Variants in MAPK10 observed in about 807,000 individuals in gnomAD.
The protein encoded by MAPK10 is mitogen-activated protein kinase 10, also known as JNK3 alpha protein kinase.
In MAPK10, 25 loss-of-function variants were observed where a neutral mutation model predicts 59.3. The observed-to-expected ratio is 0.42, with a 90% confidence interval of 0.31 to 0.59. The LOEUF (loss-of-function observed/expected upper bound fraction) is 0.59, where lower values mean the gene tolerates loss of function less well. Among genes scored for constraint, MAPK10 ranks in the 20% least tolerant of loss-of-function variants. The probability of loss-of-function intolerance (pLI) is 0.15; values close to 1 mark genes in which losing one functional copy is unlikely to be tolerated. For missense variants in MAPK10, 351 were observed against 568.9 expected (o/e 0.62, Z 3.90); for synonymous variants, 190 against 200.5 (o/e 0.95, Z 0.44).
intron 1 of MAPK10, among the ~76,000 whole-genome samples, chr4:86,465,485 G>A (rs1222990508): frequency 6.6e-6 from 1 of 152,206 alleles, no homozygotes; most frequent in East Asian, 1.9e-4. Context: ...CATCCCAAAT[G>A]CAACTGAATC....
At chr4:86,517,683 G>A (rs1425925325) in intron 1 of MAPK10, among the ~76,000 whole-genome samples, 1 of 152,032 alleles carries the variant, frequency 6.6e-6, no homozygotes, top group African/African-American at 2.4e-5. Flanking sequence ...ATTTACTTAG[G>A]TCCTTTCTTA....
intron 1 of MAPK10, among the ~76,000 whole-genome samples, chr4:86,579,213 G>A (rs536341905): frequency 2.0e-5 from 3 of 152,212 alleles, no homozygotes; most frequent in East Asian, 3.9e-4. Context: ...CTTAGCCTCA[G>A]AGAAAACAGA....
At chr4:86,139,542 T>G (rs2063112133) in intron 4 of MAPK10, among the ~76,000 whole-genome samples, 1 of 151,974 alleles carries the variant, frequency 6.6e-6, no homozygotes, top group Non-Finnish European at 1.5e-5. Context: ...TCAAGATGGA[T>G]TAAAGACTTA....
intron 1 of MAPK10, among the ~76,000 whole-genome samples, chr4:86,423,787 A>ATATG (rs901655406): frequency 1.4e-5 from 2 of 145,270 alleles, no homozygotes; most frequent in South Asian, 2.2e-4. Flanking sequence ...ATATATATAT[A>ATATG]TATATATATG....
At chr4:86,323,246 G>A (rs2095942921) in intron 2 of MAPK10, among the ~76,000 whole-genome samples, 1 of 152,162 alleles carries the variant, frequency 6.6e-6, no homozygotes, top group South Asian at 2.1e-4. Flanking sequence ...GTAATGAAAG[G>A]TAAGCATTTT....
chr4:86,134,825 C>A (rs1405269406), intron 4 of MAPK10, among the ~76,000 whole-genome samples: 1 of 152,116 alleles, frequency 6.6e-6, no homozygotes, highest in Non-Finnish European at 1.5e-5. Flanking sequence ...TCAGTGGGTG[C>A]ACGCACCATG....
chr4:86,052,065 C>G (rs1192143240), intron 11 of MAPK10, among the ~76,000 whole-genome samples: 1 of 151,804 alleles, frequency 6.6e-6, no homozygotes, highest in Non-Finnish European at 1.5e-5. Context: ...TCAGGGACCA[C>G]AAGAAACTGT....
chr4:86,517,459 T>G (rs1419467180), intron 1 of MAPK10, among the ~76,000 whole-genome samples: 5 of 152,104 alleles, frequency 3.3e-5, no homozygotes, highest in Admixed American at 2.6e-4. Context: ...GTATTTTTAG[T>G]AGAGACAGGG....
intron 2 of MAPK10, among the ~76,000 whole-genome samples, chr4:86,282,822 G>A (rs1031280698): frequency 2.0e-5 from 3 of 152,058 alleles, no homozygotes; most frequent in African/African-American, 4.8e-5. Context: ...AAGTCCCCTT[G>A]TTTCCCTATG....
chr4:86,432,648 C>A (rs1382861196), intron 1 of MAPK10, among the ~76,000 whole-genome samples: 2 of 152,084 alleles, frequency 1.3e-5, no homozygotes, highest in Non-Finnish European at 2.9e-5. Context: ...GATTTCCATG[C>A]AGGAACTTCA....
intron 2 of MAPK10, among the ~76,000 whole-genome samples, chr4:86,221,065 C>T (rs1189930378): frequency 6.6e-6 from 1 of 152,228 alleles, no homozygotes; most frequent in Non-Finnish European, 1.5e-5. Flanking sequence ...AGCCCACAGT[C>T]TCCCGAATAG....
chr4:86,503,070 G>C (rs1254260400), intron 1 of MAPK10, among the ~76,000 whole-genome samples: 2 of 152,066 alleles, frequency 1.3e-5, no homozygotes, highest in East Asian at 3.9e-4. Flanking sequence ...ATTTAAAGGT[G>C]AGTTATGAGG....
At chr4:86,476,559 A>C (rs1753110121) in intron 1 of MAPK10, among the ~76,000 whole-genome samples, 1 of 152,242 alleles carries the variant, frequency 6.6e-6, no homozygotes, top group Non-Finnish European at 1.5e-5. Context: ...CTGAAAGGTC[A>C]GAAGGCCGTC....
chr4:86,109,336 G>A (rs1233646890), intron 4 of MAPK10, among the ~76,000 whole-genome samples: 1 of 152,066 alleles, frequency 6.6e-6, no homozygotes, highest in African/African-American at 2.4e-5. Flanking sequence ...CATCACCTAA[G>A]TATTAAGCCC....
At chr4:86,576,390 T>A (rs1475370419) in intron 1 of MAPK10, among the ~76,000 whole-genome samples, 1 of 151,788 alleles carries the variant, frequency 6.6e-6, no homozygotes, top group African/African-American at 2.4e-5. Flanking sequence ...GGGGTGGGGG[T>A]GTGGCAGGTA....
chr4:86,453,025 C>G (rs1750909151), intron 1 of MAPK10: 1 of 152,236 alleles, frequency 6.6e-6, no homozygotes, highest in Non-Finnish European at 1.5e-5. Flanking sequence ...AGATTCTGAC[C>G]TTACCTGGAG....
chr4:86,539,515 A>G (rs1312115259), intron 1 of MAPK10, among the ~76,000 whole-genome samples: 1 of 152,178 alleles, frequency 6.6e-6, no homozygotes, highest in South Asian at 2.1e-4. Context: ...AATTTCCAAA[A>G]GCATTAGAGG....
intron 2 of MAPK10, among the ~76,000 whole-genome samples, chr4:86,230,175 T>G (rs1039154666): frequency 6.6e-6 from 1 of 152,242 alleles, no homozygotes; most frequent in Non-Finnish European, 1.5e-5. Flanking sequence ...TATCTTTAAG[T>G]GATTTTAGAA....
At chr4:86,416,991 C>G (rs1745938153) in intron 1 of MAPK10, among the ~76,000 whole-genome samples, 1 of 152,144 alleles carries the variant, frequency 6.6e-6, no homozygotes, top group African/African-American at 2.4e-5. Flanking sequence ...CACCCACTCC[C>G]CTCCTCTTCA....
Sources: allele counts gnomAD v4.1 joint callset (sites outside exome capture counted in the v4.1 genomes callset), GRCh38; gene constraint gnomAD v4.1.1; transcripts MANE v1.5; gene names NCBI Gene and HGNC (gene_info 2026-07-23, HGNC 2026-07-21).